MTR: variants seen among roughly 807,000 people sequenced by gnomAD.
The protein encoded by MTR is methionine synthase.
Under a neutral mutation model 154.8 loss-of-function variants are expected in MTR, and 84 were observed. The observed-to-expected ratio is 0.54, with a 90% confidence interval of 0.45 to 0.65. The LOEUF is 0.65. Among genes scored for constraint, MTR ranks in the 30% least tolerant of loss-of-function variants. The pLI, the probability that MTR is intolerant of heterozygous loss-of-function variation, is 0.00. For synonymous variants in MTR, 554 were observed against 553.9 expected (o/e 1.00, Z 0.00); for missense variants, 1,275 against 1,570.2 (o/e 0.81, Z 3.18).
chr1:236,858,569 T>C (rs1664337596), intron 18 of MTR, among the ~76,000 whole-genome samples: 1 of 152,122 alleles, frequency 6.6e-6, no homozygotes, highest in Non-Finnish European at 1.5e-5. Flanking sequence ...TTGGATCAGA[T>C]TTGCATTTTG....
intron 6 of MTR, among the ~76,000 whole-genome samples, chr1:236,813,417 G>T (rs1043654586): frequency 2.0e-5 from 3 of 152,148 alleles, no homozygotes; most frequent in Admixed American, 2.0e-4. Context: ...GAATCAAAGG[G>T]TATATGCGTT....
intron 20 of MTR, 75 bp from the exon 21 acceptor site, chr1:236,862,161 C>T: frequency 8.0e-7 from 1 of 1,252,704 alleles, no homozygotes; most frequent in South Asian, 1.2e-5. Flanking sequence ...AATGTGTGCC[C>T]AAATTTCACA....
At chr1:236,863,778 T>A (rs1664682470) in intron 22 of MTR, among the ~76,000 whole-genome samples, 1 of 152,166 alleles carries the variant, frequency 6.6e-6, no homozygotes, top group South Asian at 2.1e-4. Flanking sequence ...ACATAAAGAA[T>A]AGTAAAAGCT....
chr1:236,889,466 C>G, intron 28 of MTR, 130 bp downstream of exon 28: 3 of 1,215,708 alleles, frequency 2.5e-6, no homozygotes, highest in Non-Finnish European at 3.6e-6. Context: ...TATTGCTCAC[C>G]TGCCCAACTT....
chr1:236,825,291 A>G (rs749768125), intron 9 of MTR, 47 bp from the exon 10 acceptor site: 4 of 1,367,186 alleles, frequency 2.9e-6, no homozygotes, highest in Non-Finnish European at 4.1e-6. Context: ...AATACAGTGT[A>G]TATTTTTAAG....
At chr1:236,805,077 A>G (rs535791969) in intron 2 of MTR, among the ~76,000 whole-genome samples, 1 of 152,326 alleles carries the variant, frequency 6.6e-6, no homozygotes, top group Admixed American at 6.5e-5. Context: ...TATTGTTACT[A>G]TAAATGTGCG....
At position 236,806,186 on chromosome 1, in the gene MTR, T is replaced by C; in HGVS notation, c.292T>C (p.Phe98Leu). 6.2e-7 allele frequency: 1 copy of C among 1,614,166 alleles called. No individual in the cohort carries two copies. The highest frequency in any genetic ancestry group is 8.5e-7 in the Non-Finnish European group (1 of 1,180,024). ...GGCAGATATCATTGAAACAAATACT[T>C]TTAGCAGCACTAGTATTGCCCAAGC... ...AGADIIETNT[F>L]SSTSIAQADY... is the part of the protein sequence containing the mutation. Residue 98 changes from phenylalanine (F) to leucine (L), a missense_variant, in exon 3 of 33, where the codon TTT becomes CTT. By Grantham distance (22) the Phe-to-Leu change is conservative. Coordinates refer to ENST00000366577, the MANE Select transcript of MTR (RefSeq NM_000254.3).
At position 236,895,528 on chromosome 1, in the gene MTR, C is replaced by CG; in HGVS notation, c.3577dup (p.Ala1193GlyfsTer10). On this transcript the variant is annotated frameshift_variant, in exon 31 of 33. Coordinates refer to ENST00000366577, the MANE Select transcript of MTR (RefSeq NM_000254.3). LOFTEE classifies it high-confidence loss of function. ...CCGAGAAGCTCACCATGTGGAGACT[C>CG]GCAGACATCGAGCAGTCTACAGGTA... The CG allele has an allele frequency of 6.3e-7, 1 of 1,580,836 alleles. No homozygotes were observed. The highest frequency in any genetic ancestry group is 1.2e-5 in the South Asian group (1 of 86,428).
chr1:236,878,863 C>G (rs988589552), intron 24 of MTR, among the ~76,000 whole-genome samples: 2 of 152,206 alleles, frequency 1.3e-5, no homozygotes, highest in African/African-American at 4.8e-5. Context: ...GCCTCCCTAC[C>G]ACTCTGTACC....
intron 12 of MTR, among the ~76,000 whole-genome samples, chr1:236,830,840 A>C (rs1016834576): frequency 3.3e-5 from 5 of 152,184 alleles, no homozygotes; most frequent in South Asian, 2.1e-4. Flanking sequence ...AATCTCTATC[A>C]GTGCACCAAG....
At chr1:236,854,870 C>T (rs576123730) in intron 18 of MTR, among the ~76,000 whole-genome samples, 3 of 152,284 alleles carry the variant, frequency 2.0e-5, no homozygotes, top group African/African-American at 7.2e-5. Flanking sequence ...CCCCTGGAGG[C>T]ACTGTCAAAG....
At chr1:236,889,005 C>T (rs1389163308) in intron 27 of MTR, among the ~76,000 whole-genome samples, 176 bp from the exon 28 acceptor site, 1 of 152,170 alleles carries the variant, frequency 6.6e-6, no homozygotes, top group Non-Finnish European at 1.5e-5. Context: ...AGACTCAGTG[C>T]AGAATTACTC....
rs1241494010 is a variant in MTR, at chr1:236,795,419, C to T, written c.-285C>T. The T allele has an allele frequency of 2.7e-6, 4 of 1,465,926 alleles. No individual in the cohort carries two copies. The highest frequency in any genetic ancestry group is 1.2e-5 in the South Asian group (1 of 82,558). 90.8% of individuals were successfully genotyped at this position (1,465,926 alleles called of 1,614,324 possible). On this transcript the variant is annotated 5_prime_UTR_variant, in exon 1 of 33. Coordinates refer to ENST00000366577, the MANE Select transcript of MTR (RefSeq NM_000254.3). ...CGTCCCGCGACTCCGCCTCTGGCCG[C>T]GCGTGTCTGGCTGCTAGGCCGACAC...
In MTR at chr1:236,900,073, C is replaced by T. The variant is rs182908899; in HGVS notation, c.*2429C>T. 25 of 293,712 alleles carry T rather than the reference C, an allele frequency of 8.5e-5. No individual in the cohort carries two copies. Among genetic ancestry groups the T allele is most frequent in the African/African-American group, 4.2e-4 (19 of 45,716 alleles). The allele number at this position is 293,712 out of a possible 1,614,324, so 18.2% of individuals were successfully genotyped here. On this transcript the variant is annotated 3_prime_UTR_variant, in exon 33 of 33. Coordinates refer to ENST00000366577, the MANE Select transcript of MTR (RefSeq NM_000254.3). Reference sequence around the variant, plus strand: ...TTCCAACTCCCACCTGTATGTCCAGCAAACTCTTGCATGTGGCCACTAGGA... The same window carrying T: ...TTCCAACTCCCACCTGTATGTCCAGTAAACTCTTGCATGTGGCCACTAGGA...
chr1:236,830,370 C>T (rs1662542297), intron 12 of MTR, among the ~76,000 whole-genome samples: 1 of 152,038 alleles, frequency 6.6e-6, no homozygotes, highest in Non-Finnish European at 1.5e-5. Flanking sequence ...GGAAAACATT[C>T]AGCCTTTGCC....
chr1:236,836,423 G>C (rs1233849342), intron 14 of MTR, among the ~76,000 whole-genome samples: 1 of 152,096 alleles, frequency 6.6e-6, no homozygotes, highest in African/African-American at 2.4e-5. Flanking sequence ...TTAGTAGAGA[G>C]GTCGGGTCTT....
intron 1 of MTR, among the ~76,000 whole-genome samples, chr1:236,800,892 C>T (rs1318269685): frequency 1.3e-5 from 2 of 152,168 alleles, no homozygotes; most frequent in Non-Finnish European, 1.5e-5. Flanking sequence ...CCTCATCTTG[C>T]TGAAGCATGG....
intron 3 of MTR, 48 bp downstream of exon 3, chr1:236,806,281 C>A: frequency 1.4e-6 from 2 of 1,462,830 alleles, no homozygotes; most frequent in Non-Finnish European, 1.9e-6. Flanking sequence ...CGAGCGTTTG[C>A]TGCATTGGTA....
Position 236,903,505 on chromosome 1 carries a change from T to C in MTR, c.*5861T>C, listed in dbSNP as rs1001329347. 6 of 152,214 alleles carry C rather than the reference T, an allele frequency of 3.9e-5. No individual in the cohort carries two copies. The highest frequency in any genetic ancestry group is 5.9e-5 in the Non-Finnish European group (4 of 68,038). 9.4% of individuals were successfully genotyped at this position (152,214 alleles called of 1,614,324 possible). On this transcript the variant is annotated 3_prime_UTR_variant, in exon 33 of 33. Transcript: ENST00000366577. ...CTCATCCCTTGCTTTTAAGTATTATTATAGACTTTTGGAGACTCACGAAAC... is the reference window on the plus strand; with the variant it reads ...CTCATCCCTTGCTTTTAAGTATTATCATAGACTTTTGGAGACTCACGAAAC...
Sources: gnomAD v4.1 joint callset for allele counts (sites outside exome capture counted in the v4.1 genomes callset) on GRCh38, gnomAD v4.1.1 for gene constraint, MANE v1.5 for transcripts, NCBI Gene and HGNC (gene_info 2026-07-23, HGNC 2026-07-21) for gene names.